GUCY1A2: variants seen among roughly 807,000 people sequenced by gnomAD.
The protein encoded by GUCY1A2 is guanylate cyclase soluble subunit alpha-2.
A neutral mutation model predicts 63.5 loss-of-function variants in GUCY1A2; 27 were observed. The observed-to-expected ratio is 0.43, with a 90% CI of 0.31 to 0.59. The LOEUF (loss-of-function observed/expected upper bound fraction) is 0.59, where lower values mean the gene tolerates loss of function less well. Among genes scored for constraint, GUCY1A2 ranks in the 20% least tolerant of loss-of-function variants. The pLI is 0.11. For synonymous variants in GUCY1A2, 364 were observed against 343.5 expected (o/e 1.06, Z -0.66); for missense variants, 768 against 913.3 (o/e 0.84, Z 2.05).
intron 7 of GUCY1A2, among the ~76,000 whole-genome samples, chr11:106,700,354 A>C (rs532719432): frequency 6.6e-6 from 1 of 152,290 alleles, no homozygotes; most frequent in Non-Finnish European, 1.5e-5. Context: ...TTATTTTTAA[A>C]AAATTGGGAA....
intron 3 of GUCY1A2, among the ~76,000 whole-genome samples, chr11:106,956,319 C>G (rs1469513535): frequency 6.6e-6 from 1 of 151,922 alleles, no homozygotes; most frequent in Non-Finnish European, 1.5e-5. Context: ...AGTTCTGTGC[C>G]CTTGACATTG....
chr11:106,705,972 A>G (rs1565263234), intron 7 of GUCY1A2, among the ~76,000 whole-genome samples: 1 of 152,244 alleles, frequency 6.6e-6, no homozygotes, highest in Non-Finnish European at 1.5e-5. Context: ...ATTTTTATTA[A>G]GAAATATCTG....
intron 5 of GUCY1A2, among the ~76,000 whole-genome samples, chr11:106,797,931 G>A (rs1248235865): frequency 1.3e-5 from 2 of 152,100 alleles, no homozygotes; most frequent in African/African-American, 4.8e-5. Flanking sequence ...CAGAACTGAA[G>A]GAGATAGAGA....
At chr11:106,936,372 T>A (rs888004414) in intron 4 of GUCY1A2, among the ~76,000 whole-genome samples, 9 of 152,210 alleles carry the variant, frequency 5.9e-5, no homozygotes, top group Admixed American at 2.0e-4. Flanking sequence ...TTAACATGGA[T>A]TAATTCAGTC....
intron 4 of GUCY1A2, among the ~76,000 whole-genome samples, chr11:106,876,285 A>C (rs1859747506): frequency 6.6e-6 from 1 of 152,106 alleles, no homozygotes; most frequent in African/African-American, 2.4e-5. Context: ...ACAGAGGGAA[A>C]GACAATGAGG....
At chr11:106,854,338 G>T (rs1031661114) in intron 4 of GUCY1A2, among the ~76,000 whole-genome samples, 2 of 152,216 alleles carry the variant, frequency 1.3e-5, no homozygotes, top group African/African-American at 4.8e-5. Flanking sequence ...GAGGAGTACA[G>T]CAGCAGGTTG....
intron 1 of GUCY1A2, among the ~76,000 whole-genome samples, chr11:106,991,619 C>G (rs1187740540): frequency 1.3e-5 from 2 of 152,142 alleles, no homozygotes; most frequent in Non-Finnish European, 2.9e-5. Context: ...AGAATAGGCT[C>G]TTAATTCAAG....
At chr11:106,996,168 T>C (rs906071103) in intron 1 of GUCY1A2, among the ~76,000 whole-genome samples, 9 of 152,074 alleles carry the variant, frequency 5.9e-5, no homozygotes, top group African/African-American at 1.9e-4. Flanking sequence ...CATTGAGCAA[T>C]AGAAGCAACA....
chr11:107,007,505 C>T (rs763255930), intron 1 of GUCY1A2, among the ~76,000 whole-genome samples: 11 of 152,158 alleles, frequency 7.2e-5, no homozygotes, highest in Non-Finnish European at 1.5e-4. Context: ...CTCAATCTGA[C>T]ATATAGGCCT....
chr11:106,867,631 C>T (rs571099698), intron 4 of GUCY1A2, among the ~76,000 whole-genome samples: 4 of 152,162 alleles, frequency 2.6e-5, no homozygotes, highest in African/African-American at 7.2e-5. Context: ...TTCAACGACA[C>T]AGCATGAATG....
At chr11:106,888,194 C>T (rs1480228147) in intron 4 of GUCY1A2, among the ~76,000 whole-genome samples, 1 of 151,968 alleles carries the variant, frequency 6.6e-6, no homozygotes, top group East Asian at 1.9e-4. Context: ...CACGGTGGCT[C>T]ACGCCTGTAA....
intron 1 of GUCY1A2, among the ~76,000 whole-genome samples, chr11:106,987,979 T>C (rs1322864301): frequency 6.6e-6 from 1 of 152,148 alleles, no homozygotes; most frequent in Non-Finnish European, 1.5e-5. Flanking sequence ...CTTCCAAGTG[T>C]TCAAAGGAGA....
intron 6 of GUCY1A2, among the ~76,000 whole-genome samples, chr11:106,764,978 G>GGC (rs1555028455): frequency 1.1e-5 from 1 of 90,826 alleles, no homozygotes; most frequent in Non-Finnish European, 2.3e-5. Flanking sequence ...TTTGGGGGGG[G>GGC]GTTGGGGGGC....
chr11:106,766,694 T>C (rs1864169968), intron 6 of GUCY1A2, among the ~76,000 whole-genome samples: 1 of 152,150 alleles, frequency 6.6e-6, no homozygotes, highest in Non-Finnish European at 1.5e-5. Flanking sequence ...AGCATGCAGA[T>C]AGCACATTAC....
intron 1 of GUCY1A2, among the ~76,000 whole-genome samples, chr11:107,004,841 C>T (rs1292694613): frequency 6.6e-6 from 1 of 152,142 alleles, no homozygotes; most frequent in Non-Finnish European, 1.5e-5. Context: ...ACATTTCTGA[C>T]ATGAGGAACC....
intron 3 of GUCY1A2, among the ~76,000 whole-genome samples, chr11:106,977,586 G>T (rs747956964): frequency 2.0e-5 from 3 of 152,208 alleles, no homozygotes; most frequent in African/African-American, 7.2e-5. Context: ...GAATGTAAAA[G>T]AAGTCTACCT....
Position 106,978,603 on chromosome 11 carries a change from T to C in GUCY1A2, c.487+16A>G, listed in dbSNP as rs1177151011. ...TCATTCTCTCTCATCCATATAAATATATATAGTTAATATACCGAGTATATT... is the reference window on the plus strand; with the variant it reads ...TCATTCTCTCTCATCCATATAAATACATATAGTTAATATACCGAGTATATT... On this transcript the variant is annotated intron_variant, in intron 3 of 7. Coordinates refer to ENST00000526355, the MANE Select transcript of GUCY1A2 (RefSeq NM_000855.3). 1 of 1,426,602 alleles carries C rather than the reference T, an allele frequency of 7.0e-7. No homozygotes were observed. Among genetic ancestry groups the C allele is most frequent in the Non-Finnish European group, 9.7e-7 (1 of 1,029,498 alleles). The allele number at this position is 1,426,602 out of a possible 1,614,324, so 88.4% of individuals were successfully genotyped here.
At chr11:106,799,296 A>G (rs1172420503) in intron 5 of GUCY1A2, among the ~76,000 whole-genome samples, 2 of 152,204 alleles carry the variant, frequency 1.3e-5, no homozygotes, top group Non-Finnish European at 2.9e-5. Flanking sequence ...AGGACGAATC[A>G]ATGTCATGAA....
intron 1 of GUCY1A2, among the ~76,000 whole-genome samples, chr11:107,011,330 T>C (rs1397698064): frequency 6.6e-6 from 1 of 151,824 alleles, no homozygotes; most frequent in Non-Finnish European, 1.5e-5. Flanking sequence ...ATTTATGTTT[T>C]ATTTTACTTA....
Sources: gnomAD v4.1 joint callset for allele counts (sites outside exome capture counted in the v4.1 genomes callset) on GRCh38, gnomAD v4.1.1 for gene constraint, MANE v1.5 for transcripts, NCBI Gene and HGNC (gene_info 2026-07-23, HGNC 2026-07-21) for gene names.